The following NRXN1 variants were observed in gnomAD, a reference collection of about 807,000 sequenced individuals.
NRXN1 encodes neurexin 1, also known as neurexin-1.
NRXN1 carries 39 observed loss-of-function variants against 150.9 expected under a neutral mutation model. The ratio of observed to expected loss-of-function variants is 0.26; its 90% CI spans 0.20 to 0.34. The LOEUF is 0.34. Ranked by LOEUF, NRXN1 falls within the 10% of genes least tolerant of loss-of-function variation. The probability of loss-of-function intolerance (pLI) is 1.00; values close to 1 mark genes in which losing one functional copy is unlikely to be tolerated. For missense variants in NRXN1, 1,815 were observed against 1,949.9 expected (o/e 0.93, Z 1.30); for synonymous variants, 924 against 757.0 (o/e 1.22, Z -3.62).
At chr2:50,181,821 G>C (rs904378949) in intron 18 of NRXN1, among the ~76,000 whole-genome samples, 1 of 151,988 alleles carries the variant, frequency 6.6e-6, no homozygotes, top group African/African-American at 2.4e-5. Context: ...CCACAAAATT[G>C]ATAATTCCAT....
intron 5 of NRXN1, among the ~76,000 whole-genome samples, chr2:50,709,063 C>A (rs1196061155): frequency 2.6e-5 from 4 of 152,098 alleles, no homozygotes; most frequent in African/African-American, 9.7e-5. Context: ...TTATGGGAGC[C>A]TCTCAGAGGT....
chr2:50,324,626 C>T (rs1293053295), intron 17 of NRXN1, among the ~76,000 whole-genome samples: 4 of 152,234 alleles, frequency 2.6e-5, no homozygotes, highest in Non-Finnish European at 4.4e-5. Context: ...ATTGCAAGCT[C>T]CGCCTCCCGG....
Position 50,828,325 on chromosome 2 carries a change from A to AC in NRXN1, c.832+93543dup, listed in dbSNP as rs1334498223. 2.8e-4 allele frequency among the ~76,000 whole-genome samples: 37 copies of AC among 133,292 alleles called. No homozygotes were observed. In the South Asian group the frequency reaches 8.6e-3, roughly 31 times the overall value. The allele number at this position is 133,292 out of a possible 152,430, so 87.4% of individuals were successfully genotyped here. ...GGGCGGCTGGCCGGGAGGGGGCTGAACCCCCCGCCTCCCTCCCAGATGGGG... is the reference window on the plus strand; with the variant it reads ...GGGCGGCTGGCCGGGAGGGGGCTGAACCCCCCCGCCTCCCTCCCAGATGGGG... On this transcript the variant is annotated intron_variant, in intron 5 of 22. Coordinates refer to ENST00000401669, the MANE Select transcript of NRXN1 (RefSeq NM_001330078.2).
chr2:50,727,810 G>C (rs1697574385), intron 5 of NRXN1, among the ~76,000 whole-genome samples: 1 of 152,094 alleles, frequency 6.6e-6, no homozygotes, highest in Non-Finnish European at 1.5e-5. Context: ...AGAGGAGACA[G>C]GGGTTTTGAA....
Position 50,431,915 on chromosome 2 carries a change from T to C in NRXN1, c.3364+33527A>G, listed in dbSNP as rs142308987. ...CATATAGTAAGGCAAGAACTAACAA[T>C]TGTTGAATCCTATAAGAAGTCAGGC... On this transcript the variant is annotated intron_variant, in intron 17 of 22. Coordinates refer to ENST00000401669, the MANE Select transcript of NRXN1 (RefSeq NM_001330078.2). Among the ~76,000 whole-genome samples, 622 of 152,310 alleles carry C rather than the reference T, an allele frequency of 4.1e-3. 2 individuals carry two copies. The highest frequency in any genetic ancestry group is 6.7e-3 in the Non-Finnish European group (453 of 68,014).
intron 5 of NRXN1, among the ~76,000 whole-genome samples, chr2:50,675,078 G>A (rs955188309): frequency 3.7e-4 from 56 of 152,052 alleles, no homozygotes; most frequent in African/African-American, 1.2e-3. Context: ...GTGGCACACT[G>A]GCTCCCCCTG....
intron 5 of NRXN1, among the ~76,000 whole-genome samples, chr2:50,630,226 A>T (rs1682023287): frequency 6.6e-6 from 1 of 151,706 alleles, no homozygotes; most frequent in African/African-American, 2.4e-5. Context: ...TAGAAAAAAA[A>T]GTTAACCATT....
At chr2:50,956,371 C>T (rs944313487) in intron 2 of NRXN1, among the ~76,000 whole-genome samples, 1 of 152,074 alleles carries the variant, frequency 6.6e-6, no homozygotes, top group Admixed American at 6.6e-5. Context: ...GAACATATTC[C>T]CCTCATGTAA....
At chr2:50,897,709 T>C (rs1249025152) in intron 5 of NRXN1, among the ~76,000 whole-genome samples, 4 of 152,144 alleles carry the variant, frequency 2.6e-5, no homozygotes. Flanking sequence ...AAGACTATTC[T>C]ATGGTGACAA....
chr2:50,174,334 T>G (rs2060219944), intron 18 of NRXN1, among the ~76,000 whole-genome samples: 2 of 152,168 alleles, frequency 1.3e-5, no homozygotes, highest in South Asian at 4.1e-4. Flanking sequence ...TTTAGTTTTC[T>G]CAATTCAAAT....
rs376266433 is a variant in NRXN1, at chr2:50,079,942, G to T, written c.3718+11381C>A. On this transcript the variant is annotated intron_variant, in intron 19 of 22. Transcript: ENST00000401669. The stretch of plus-strand genomic sequence containing the variant: ...CGAATGCAGTCTGAAAATATTAAAT[G>T]GAAAATTTTAGAAATAAGCAATTCA... Among the ~76,000 whole-genome samples, 13 of 152,110 alleles carry T rather than the reference G, an allele frequency of 8.5e-5. No homozygotes were observed. In the East Asian group the frequency reaches 1.7e-3, roughly 20 times the overall value.
intron 5 of NRXN1, among the ~76,000 whole-genome samples, chr2:50,921,504 G>C (rs1337315742): frequency 6.6e-6 from 1 of 151,832 alleles, no homozygotes; most frequent in East Asian, 2.0e-4. Flanking sequence ...AGAATGGCTA[G>C]GGCAGGTGTG....
intron 17 of NRXN1, among the ~76,000 whole-genome samples, chr2:50,415,576 A>G (rs538898159): frequency 6.6e-6 from 1 of 152,312 alleles, no homozygotes; most frequent in African/African-American, 2.4e-5. Context: ...GATCCACAGC[A>G]TATTAGGCTA....
rs60517610 is a variant in NRXN1, at chr2:49,990,102, T to TA, written c.4129-46312dup. Among the ~76,000 whole-genome samples the TA allele has an allele frequency of 6.0e-3, 891 of 149,422 alleles. 4 individuals carry two copies. Among genetic ancestry groups the TA allele is most frequent in the African/African-American group, 0.021 (837 of 40,602 alleles). On this transcript the variant is annotated intron_variant, in intron 21 of 22. Transcript: ENST00000401669. Reference sequence around the variant, plus strand: ...CATGCAACCAGCCAAGCAATAAATTTAAAAAAAAAAAAACTATCAAAGAGT... The same window carrying TA: ...CATGCAACCAGCCAAGCAATAAATTTAAAAAAAAAAAAAACTATCAAAGAGT...
intron 18 of NRXN1, among the ~76,000 whole-genome samples, chr2:50,215,828 A>T (rs1423080869): frequency 6.6e-6 from 1 of 152,046 alleles, no homozygotes; most frequent in African/African-American, 2.4e-5. Context: ...GCTCAACAAC[A>T]TGTATCTCAT....
chr2:50,641,875 T>C (rs772485031), intron 5 of NRXN1, among the ~76,000 whole-genome samples: 1 of 152,084 alleles, frequency 6.6e-6, no homozygotes, highest in East Asian at 1.9e-4. Context: ...CTCCCTGACA[T>C]CCACTGAGTT....
At chr2:50,230,852 G>T (rs2064874237) in intron 18 of NRXN1, among the ~76,000 whole-genome samples, 3 of 151,978 alleles carry the variant, frequency 2.0e-5, no homozygotes, top group Admixed American at 2.0e-4. Flanking sequence ...AAACTATTTA[G>T]CACTTAAGCC....
At chr2:50,359,623 T>A (rs993089248) in intron 17 of NRXN1, among the ~76,000 whole-genome samples, 3 of 151,942 alleles carry the variant, frequency 2.0e-5, no homozygotes, top group African/African-American at 7.3e-5. Context: ...AGACCAAACC[T>A]ACATTTGATT....
At chr2:49,926,694 G>A (rs1669167756) in intron 22 of NRXN1, among the ~76,000 whole-genome samples, 1 of 152,136 alleles carries the variant, frequency 6.6e-6, no homozygotes, top group South Asian at 2.1e-4. Flanking sequence ...CTTTTGCTGA[G>A]ATAGTTATTT....
Sources: gnomAD v4.1 joint callset for allele counts (sites outside exome capture counted in the v4.1 genomes callset) on GRCh38, gnomAD v4.1.1 for gene constraint, MANE v1.5 for transcripts, NCBI Gene and HGNC (gene_info 2026-07-23, HGNC 2026-07-21) for gene names.